The following ZNF138 variants were observed in gnomAD, a reference collection of about 807,000 sequenced individuals.
ZNF138 encodes zinc finger protein 138.
Under a neutral mutation model 33.0 loss-of-function variants are expected in ZNF138, and 33 were observed. The ratio of observed to expected loss-of-function variants is 1.00; its 90% CI spans 0.76 to 1.34. The LOEUF (loss-of-function observed/expected upper bound fraction) is 1.34. Ranked by LOEUF, ZNF138 falls within the 40% of genes most tolerant of loss-of-function variation. The probability of loss-of-function intolerance (pLI) is 0.00; values close to 1 mark genes in which losing one functional copy is unlikely to be tolerated. For synonymous variants in ZNF138, 139 were observed against 120.4 expected (o/e 1.15, Z -1.01); for missense variants, 360 against 370.8 (o/e 0.97, Z 0.24).
chr7:64,860,038 G>C, the ZNF138 span, among the ~76,000 whole-genome samples: 1 of 152,184 alleles, frequency 6.6e-6, no homozygotes, highest in Non-Finnish European at 1.5e-5. Flanking sequence ...TCAGGAAGCT[G>C]AGACAGGGGA....
intron 1 of ZNF138, among the ~76,000 whole-genome samples, chr7:64,802,479 A>G (rs899500990): frequency 4.6e-5 from 7 of 152,138 alleles, no homozygotes; most frequent in Non-Finnish European, 8.8e-5. Context: ...TTGCAGGGCA[A>G]TTTCAAGGCA....
rs1178785172 is a variant in ZNF138, at chr7:64,832,120, C to G, written c.878C>G (p.Thr293Ser). ...GGCAAGGTCTTTAAGCAGTCCCCAA[C>G]CCTTACTAAACATCAGATAATTTAT... ...QCGKVFKQSP[T>S]LTKHQIIYTG... is the part of the protein sequence containing the mutation. Residue 293 changes from threonine (T) to serine (S), a missense_variant, in exon 4 of 4, where the codon ACC becomes AGC. By Grantham distance (58) the Thr-to-Ser change is moderately conservative. Transcript: ENST00000307355. 6.2e-7 allele frequency: 1 copy of G among 1,612,936 alleles called. No individual in the cohort carries two copies. Among genetic ancestry groups the G allele is most frequent in the Admixed American group, 1.7e-5 (1 of 59,952 alleles).
chr7:64,813,934 TA>T, intron 1 of ZNF138: 1 of 755,354 alleles, frequency 1.3e-6, no homozygotes, highest in Non-Finnish European at 1.7e-6. Context: ...TCTGCATTAT[TA>T]AGTATCTTTA....
intron 3 of ZNF138, among the ~76,000 whole-genome samples, chr7:64,828,084 TCTC>T (rs1789786912): frequency 6.6e-6 from 1 of 152,124 alleles, no homozygotes; most frequent in South Asian, 2.1e-4. Context: ...TCAAAAAAAT[TCTC>T]CTAATGTCAA....
At chr7:64,860,203 A>C in the ZNF138 span, among the ~76,000 whole-genome samples, 1 of 152,210 alleles carries the variant, frequency 6.6e-6, no homozygotes, top group African/African-American at 2.4e-5. Context: ...TCATATTTTT[A>C]TGTTTATGCT....
At chr7:64,814,210 C>A in intron 1 of ZNF138, 1 of 897,788 alleles carries the variant, frequency 1.1e-6, no homozygotes, top group Non-Finnish European at 1.4e-6. Context: ...AAATAATCTG[C>A]ATTAACCAGA....
At chr7:64,797,125 C>G (rs1290528654) in intron 1 of ZNF138, among the ~76,000 whole-genome samples, 1 of 151,356 alleles carries the variant, frequency 6.6e-6, no homozygotes, top group East Asian at 1.9e-4. Context: ...TATACAGATT[C>G]ATGAAAATAT....
At chr7:64,825,366 G>C (rs1789505921) in intron 3 of ZNF138, among the ~76,000 whole-genome samples, 3 of 151,030 alleles carry the variant, frequency 2.0e-5, no homozygotes, top group African/African-American at 7.3e-5. Flanking sequence ...TAGAGACGGA[G>C]TCTCACCGTG....
At chr7:64,807,021 T>C (rs7791425) in intron 1 of ZNF138, among the ~76,000 whole-genome samples, 150,097 of 152,320 alleles carry the variant, frequency 0.99, 73,991 homozygotes, top group East Asian at 1. Flanking sequence ...CCACCCAGGG[T>C]GGAAAACCAC....
chr7:64,826,082 C>T (rs1789588036), intron 3 of ZNF138, among the ~76,000 whole-genome samples: 2 of 152,062 alleles, frequency 1.3e-5, no homozygotes, highest in African/African-American at 4.8e-5. Context: ...AGTGAATAGC[C>T]CCCCTTGGCC....
At chr7:64,834,164 T>A (rs1790299071), downstream of ZNF138, among the ~76,000 whole-genome samples, 1 of 151,978 alleles carries the variant, frequency 6.6e-6, no homozygotes, top group Non-Finnish European at 1.5e-5. Context: ...TTGCTCAAAC[T>A]TCGTTCAACA....
At chr7:64,795,874 T>C (rs1786648152) in intron 1 of ZNF138, among the ~76,000 whole-genome samples, 1 of 152,180 alleles carries the variant, frequency 6.6e-6, no homozygotes, top group East Asian at 1.9e-4. Context: ...CTAGAATCTC[T>C]GGTAAATTTC....
At chr7:64,805,338 G>A (rs1280057696) in intron 1 of ZNF138, among the ~76,000 whole-genome samples, 1 of 151,746 alleles carries the variant, frequency 6.6e-6, no homozygotes, top group Non-Finnish European at 1.5e-5. Context: ...GGTGGAGGTT[G>A]CAGTGAGCTG....
At chr7:64,807,261 A>G (rs1052553636) in intron 1 of ZNF138, among the ~76,000 whole-genome samples, 2 of 152,148 alleles carry the variant, frequency 1.3e-5, no homozygotes, top group African/African-American at 4.8e-5. Flanking sequence ...ATTTCTGTGC[A>G]TGTGTCTTTA....
chr7:64,817,878 A>G (rs879935038), intron 3 of ZNF138, among the ~76,000 whole-genome samples: 2 of 152,096 alleles, frequency 1.3e-5, no homozygotes, highest in Non-Finnish European at 2.9e-5. Context: ...GGCACTCCAT[A>G]TTTACTAAAA....
chr7:64,844,074 T>C, the ZNF138 span, among the ~76,000 whole-genome samples: 8 of 152,126 alleles, frequency 5.3e-5, no homozygotes, highest in African/African-American at 9.7e-5. Flanking sequence ...CTGCCCGCCT[T>C]GACCTCCCAA....
chr7:64,858,114 A>G, the ZNF138 span, among the ~76,000 whole-genome samples: 4 of 152,250 alleles, frequency 2.6e-5, no homozygotes, highest in Admixed American at 2.0e-4. Context: ...AAATGAATCT[A>G]TATTTTGCCA....
At chr7:64,840,822 C>T in the ZNF138 span, among the ~76,000 whole-genome samples, 15 of 151,988 alleles carry the variant, frequency 9.9e-5, no homozygotes, top group Admixed American at 7.9e-4. Flanking sequence ...TAGCTATGCA[C>T]GTATGTTACT....
chr7:64,812,898 G>T (rs1788294325), intron 1 of ZNF138, among the ~76,000 whole-genome samples: 1 of 140,058 alleles, frequency 7.1e-6, no homozygotes, highest in Non-Finnish European at 1.5e-5. Flanking sequence ...CGAGAACTGT[G>T]TCCACTCTTC....
Sources: gnomAD v4.1 joint callset for allele counts (sites outside exome capture counted in the v4.1 genomes callset) on GRCh38, gnomAD v4.1.1 for gene constraint, MANE v1.5 for transcripts, NCBI Gene and HGNC (gene_info 2026-07-23, HGNC 2026-07-21) for gene names.